The following PTPN13 variants were observed in gnomAD, a reference collection of about 807,000 sequenced individuals.
PTPN13 encodes protein tyrosine phosphatase non-receptor type 13.
PTPN13 carries 191 observed loss-of-function variants against 284.0 expected under a neutral mutation model. The ratio of observed to expected loss-of-function variants is 0.67; its 90% CI spans 0.60 to 0.76. PTPN13 has a LOEUF of 0.76. Ranked by LOEUF, PTPN13 falls within the 30% of genes least tolerant of loss-of-function variation. PTPN13 has a pLI of 0.00. For missense variants in PTPN13, 2,797 were observed against 2,939.9 expected, an observed-to-expected ratio of 0.95 and a Z score of 1.12; for synonymous variants, 986 against 1,022.3, an observed-to-expected ratio of 0.96 and a Z score of 0.68.
chr4:86,785,857 A>G lies in PTPN13; in HGVS notation c.6266A>G (p.Lys2089Arg). 6.4e-7 allele frequency: 1 copy of G among 1,558,028 alleles called. No individual in the cohort carries two copies. ...TATATTCCTCTCTCAGGTACATTAA[A>G]GATGAATGGGAAGTTATCAGAAGAG... ...AGYSCGPGTL[K>R]MNGKLSEERT... Residue 2089 changes from lysine to arginine, a missense_variant, in exon 40 of 48, where the codon AAG becomes AGG. Transcript: ENST00000411767.
At chr4:86,784,802 T>C (rs1193092403) in intron 38 of PTPN13, among the ~76,000 whole-genome samples, 1 of 152,150 alleles carries the variant, frequency 6.6e-6, no homozygotes, top group African/African-American at 2.4e-5. Context: ...TCTTGTATTT[T>C]GTGAAGTAGC....
intron 3 of PTPN13, among the ~76,000 whole-genome samples, chr4:86,676,512 T>C (rs1321609308): frequency 6.6e-6 from 1 of 152,186 alleles, no homozygotes; most frequent in Non-Finnish European, 1.5e-5. Context: ...CTTCTGAGTA[T>C]ATATATCCAA....
At position 86,755,805 on chromosome 4, in the gene PTPN13, G is replaced by T. The variant is rs184472285; in HGVS notation, c.3224-2455G>T. Among the ~76,000 whole-genome samples, 448 of 152,076 alleles carry T rather than the reference G, an allele frequency of 2.9e-3. 2 individuals are homozygous for T. The highest frequency in any genetic ancestry group is 4.4e-3 in the Non-Finnish European group (296 of 67,934). On this transcript the variant is annotated intron_variant, in intron 20 of 47. Transcript: ENST00000411767. The stretch of plus-strand genomic sequence containing the variant: ...AGGCTAAAGCTGGGATGTTTAGTAG[G>T]TTAGATGTATTAAATGCATTTTTGA...
intron 43 of PTPN13, among the ~76,000 whole-genome samples, chr4:86,804,976 GT>G (rs1176131326): frequency 6.6e-6 from 1 of 152,010 alleles, no homozygotes; most frequent in Non-Finnish European, 1.5e-5. Context: ...GCAGAGTTGG[GT>G]TTTTTTAATT....
At chr4:86,790,415 A>G (rs577350742) in intron 40 of PTPN13, among the ~76,000 whole-genome samples, 1 of 152,190 alleles carries the variant, frequency 6.6e-6, no homozygotes, top group Admixed American at 6.5e-5. Context: ...ACAGATCGAC[A>G]TGATTCCTGC....
At chr4:86,796,372 C>T (rs1743341409) in intron 40 of PTPN13, among the ~76,000 whole-genome samples, 2 of 152,120 alleles carry the variant, frequency 1.3e-5, no homozygotes, top group African/African-American at 4.8e-5. Flanking sequence ...CAGTGGCTCA[C>T]ACCTGTAATC....
chr4:86,709,986 C>T (rs1732202323), intron 7 of PTPN13, among the ~76,000 whole-genome samples: 1 of 152,144 alleles, frequency 6.6e-6, no homozygotes, highest in African/African-American at 2.4e-5. Flanking sequence ...GTCTAGCTCT[C>T]AAGGGATTTT....
At chr4:86,617,769 G>A (rs1044076629) in intron 1 of PTPN13, among the ~76,000 whole-genome samples, 1 of 152,102 alleles carries the variant, frequency 6.6e-6, no homozygotes, top group Non-Finnish European at 1.5e-5. Flanking sequence ...CCCACTTTTT[G>A]ATGGGGTTTT....
rs549748111 is a variant in PTPN13, at chr4:86,760,157, A to G, written c.3553+1084A>G. 5.9e-5 allele frequency among the ~76,000 whole-genome samples: 9 copies of G among 152,324 alleles called. No individual in the cohort carries two copies. In the South Asian group the frequency reaches 1.9e-3, roughly 32 times the overall value. On this transcript the variant is annotated intron_variant, in intron 23 of 47. Transcript: ENST00000411767. ...TATGTCTGTATATGTACACATATAA[A>G]TAATATGTTACACACTTGTTTACTG... is the stretch of plus-strand genomic sequence containing the variant.
intron 39 of PTPN13, 96 bp downstream of exon 39, chr4:86,785,464 T>C (rs13136201): frequency 0.089 from 93,924 of 1,059,840 alleles, 4,641 homozygotes; most frequent in African/African-American, 0.1. Flanking sequence ...TTAGTTCTTC[T>C]TCTGTTCCTC....
At chr4:86,781,020 A>G (rs1741238443) in intron 36 of PTPN13, among the ~76,000 whole-genome samples, 1 of 152,232 alleles carries the variant, frequency 6.6e-6, no homozygotes, top group Non-Finnish European at 1.5e-5. Context: ...ATACTCTGCC[A>G]ATATGATTGT....
At chr4:86,675,984 G>C (rs957047102) in intron 3 of PTPN13, among the ~76,000 whole-genome samples, 1 of 152,072 alleles carries the variant, frequency 6.6e-6, no homozygotes, top group African/African-American at 2.4e-5. Flanking sequence ...AAGAATTATT[G>C]CTCTCTGTGC....
rs1738229291 is a variant in PTPN13, at chr4:86,758,265, C to G, written c.3229C>G (p.Leu1077Val). Residue 1077 changes from leucine to valine, a missense_variant, in exon 21 of 48, where the codon CTA (leucine) becomes GTA (valine). Coordinates refer to ENST00000411767, the MANE Select transcript of PTPN13 (RefSeq NM_080683.3). ...AAATTATAAATTCCCAATAGATGTGCTACACAAAAGATGGAGCATAGTATC... is the reference window on the plus strand; with the variant it reads ...AAATTATAAATTCCCAATAGATGTGGTACACAAAAGATGGAGCATAGTATC... ...SQVPLKENDV[L>V]HKRWSIVSSP... The G allele has an allele frequency of 1.2e-6, 2 of 1,601,810 alleles. No homozygotes were observed.
chr4:86,701,946 A>G (rs1259214141), intron 7 of PTPN13, 145 bp downstream of exon 7: 1 of 752,878 alleles, frequency 1.3e-6, no homozygotes, highest in Middle Eastern at 3.6e-4. Context: ...TTCTCTGTCA[A>G]TTTCTGTTCT....
At chr4:86,674,607 T>A (rs1483178157) in intron 3 of PTPN13, among the ~76,000 whole-genome samples, 1 of 152,200 alleles carries the variant, frequency 6.6e-6, no homozygotes, top group Admixed American at 6.5e-5. Context: ...TTCCATGAGC[T>A]ACTTAAGAAT....
intron 15 of PTPN13, among the ~76,000 whole-genome samples, chr4:86,738,853 G>C (rs1377403194): frequency 6.6e-6 from 1 of 151,986 alleles, no homozygotes; most frequent in Non-Finnish European, 1.5e-5. Context: ...GCTAATTTTT[G>C]TATTTTTCAT....
intron 23 of PTPN13, among the ~76,000 whole-genome samples, chr4:86,762,216 G>C (rs892972124): frequency 1.1e-4 from 16 of 152,098 alleles, no homozygotes; most frequent in African/African-American, 3.6e-4. Context: ...CAAGTGATCT[G>C]CCTGCCTCAA....
chr4:86,789,664 T>TA (rs144094616), intron 40 of PTPN13, among the ~76,000 whole-genome samples: 2,526 of 151,518 alleles, frequency 0.017, 81 homozygotes, highest in African/African-American at 0.055. Context: ...CTGACCACGA[T>TA]AAAAAAAAAT....
chr4:86,741,572 T>A, intron 15 of PTPN13, 62 bp from the exon 16 acceptor site: 1 of 1,444,694 alleles, frequency 6.9e-7, no homozygotes, highest in Non-Finnish European at 9.6e-7. Context: ...TCATACAGCT[T>A]CAATATCTTT....
Sources: gnomAD v4.1 joint callset for allele counts (sites outside exome capture counted in the v4.1 genomes callset) on GRCh38, gnomAD v4.1.1 for gene constraint, MANE v1.5 for transcripts, NCBI Gene and HGNC (gene_info 2026-07-23, HGNC 2026-07-21) for gene names.